Variants in UBE3A observed in about 807,000 individuals in gnomAD.
The protein encoded by UBE3A is ubiquitin-protein ligase E3A.
In UBE3A, 6 loss-of-function variants were observed where a neutral mutation model predicts 83.4. That is an observed-to-expected ratio of 0.07 (90% CI 0.04 to 0.14). The LOEUF is 0.14. Among genes scored for constraint, UBE3A ranks in the 10% least tolerant of loss-of-function variants. The pLI is 1.00. For missense variants in UBE3A, 456 were observed against 1,036.1 expected, an observed-to-expected ratio of 0.44 and a Z score of 7.69; for synonymous variants, 337 against 355.4, an observed-to-expected ratio of 0.95 and a Z score of 0.58.
At chr15:25,418,884 C>G (rs562184924) in intron 1 of UBE3A, 1 of 152,272 alleles carries the variant, frequency 6.6e-6, no homozygotes, top group East Asian at 1.9e-4. Flanking sequence ...CTACAGAGGA[C>G]TGGTTCCAGG....
At chr15:25,350,108 A>C (rs546931759) in intron 11 of UBE3A, among the ~76,000 whole-genome samples, 22 of 152,274 alleles carry the variant, frequency 1.4e-4, no homozygotes, top group African/African-American at 5.3e-4. Flanking sequence ...TCTACAAAAA[A>C]ATAACCAACT....
intron 4 of UBE3A, among the ~76,000 whole-genome samples, chr15:25,382,812 A>G (rs2082423885): frequency 6.6e-6 from 1 of 152,190 alleles, no homozygotes; most frequent in Admixed American, 6.5e-5. Flanking sequence ...TAAAAGACTA[A>G]TATGAACAAC....
intron 1 of UBE3A, among the ~76,000 whole-genome samples, chr15:25,427,620 A>AAC (rs1891727697): frequency 6.8e-6 from 1 of 147,914 alleles, no homozygotes; most frequent in African/African-American, 2.5e-5. Flanking sequence ...AAAAAAAAAA[A>AAC]AAAAAAAAAA....
chr15:25,341,604 A>C (rs910769960), intron 11 of UBE3A, among the ~76,000 whole-genome samples: 1 of 151,320 alleles, frequency 6.6e-6, no homozygotes, highest in Non-Finnish European at 1.5e-5. Context: ...TCTCTACTAA[A>C]ATACAAAAAT....
chr15:25,433,834 G>A (rs1202158522), intron 1 of UBE3A, among the ~76,000 whole-genome samples: 2 of 152,096 alleles, frequency 1.3e-5, no homozygotes, highest in Non-Finnish European at 2.9e-5. Flanking sequence ...CTAGCACCTT[G>A]GGAGGCCAAG....
At chr15:25,369,358 A>C (rs1209596196) in intron 6 of UBE3A, among the ~76,000 whole-genome samples, 27 of 150,344 alleles carry the variant, frequency 1.8e-4, no homozygotes, top group Non-Finnish European at 3.7e-4. Flanking sequence ...ATTAAAAAAA[A>C]AAAACAAACC....
intron 11 of UBE3A, among the ~76,000 whole-genome samples, chr15:25,348,749 C>T (rs757261937): frequency 4.6e-5 from 7 of 152,044 alleles, no homozygotes; most frequent in Non-Finnish European, 1.0e-4. Flanking sequence ...TTATTCCTAA[C>T]CAAAGAGTAC....
chr15:25,349,867 G>A (rs1201949564), intron 11 of UBE3A, among the ~76,000 whole-genome samples: 2 of 152,150 alleles, frequency 1.3e-5, no homozygotes, highest in Admixed American at 1.3e-4. Flanking sequence ...AAAGTGGTGG[G>A]TAGTCTAGAC....
intron 6 of UBE3A, among the ~76,000 whole-genome samples, chr15:25,364,670 G>C (rs1248929817): frequency 6.9e-6 from 1 of 145,076 alleles, no homozygotes; most frequent in Non-Finnish European, 1.5e-5. Flanking sequence ...TTGAGACGGA[G>C]TCTCGCTCTG....
chr15:25,339,091 TTTTTTTTTCCTTCC>T lies in UBE3A; in HGVS notation c.*32_*45del. 1 of 1,464,118 alleles carries T rather than the reference TTTTTTTTTCCTTCC, an allele frequency of 6.8e-7. No individual in the cohort carries two copies. The highest frequency in any genetic ancestry group is 9.0e-7 in the Non-Finnish European group (1 of 1,110,858). The allele number at this position is 1,464,118 out of a possible 1,614,324, so 90.7% of individuals were successfully genotyped here. A position where few individuals can be genotyped will look rare whatever the true frequency, so the allele number is the denominator to read the frequency against. ...TTTTTAAAATTTTTTAAATTTTTTC[TTTTTTTTTCCTTCC>T]TTTTTTTTGTTTTATTTTGTTTTGT... is the stretch of plus-strand genomic sequence containing the variant. On this transcript the variant is annotated 3_prime_UTR_variant, in exon 13 of 13. Coordinates refer to ENST00000648336, the MANE Select transcript of UBE3A (RefSeq NM_130839.5).
chr15:25,360,367 T>A lies in UBE3A; in HGVS notation c.1753+16A>T. ...AAGATGATACGACACCATAATCACA[T>A]TACTAATGTATTTACCAATATCTGG... On this transcript the variant is annotated intron_variant, in intron 7 of 12. Coordinates refer to ENST00000648336, the MANE Select transcript of UBE3A (RefSeq NM_130839.5). The A allele has an allele frequency of 6.2e-7, 1 of 1,613,436 alleles. No homozygotes were observed. The highest frequency in any genetic ancestry group is 8.5e-7 in the Non-Finnish European group (1 of 1,179,832).
rs750480224 is a variant in UBE3A at position 25,339,105 on chromosome 15, C to CTTTT, written c.*28_*31dup. 2.8e-6 allele frequency: 4 copies of CTTTT among 1,440,484 alleles called. No homozygotes were observed. Among genetic ancestry groups the CTTTT allele is most frequent in the Admixed American group, 2.8e-5 (1 of 36,008 alleles). The allele number at this position is 1,440,484 out of a possible 1,614,324, so 89.2% of individuals were successfully genotyped here. A position where few individuals can be genotyped will look rare whatever the true frequency, so the allele number is the denominator to read the frequency against. On this transcript the variant is annotated 3_prime_UTR_variant, in exon 13 of 13. Transcript: ENST00000648336. ...TAAATTTTTTCTTTTTTTTTCCTTC[C>CTTTT]TTTTTTTTGTTTTATTTTGTTTTGT... is the stretch of plus-strand genomic sequence containing the variant.
chr15:25,362,741 G>A (rs1007808668), intron 6 of UBE3A, among the ~76,000 whole-genome samples: 15 of 152,158 alleles, frequency 9.9e-5, no homozygotes, highest in African/African-American at 3.6e-4. Flanking sequence ...CTCAAATGTG[G>A]GACCAGGCCA....
intron 4 of UBE3A, among the ~76,000 whole-genome samples, chr15:25,382,567 T>G (rs1250497123): frequency 1.3e-5 from 2 of 149,884 alleles, no homozygotes; most frequent in Non-Finnish European, 3.0e-5. Flanking sequence ...AGACTCAAAC[T>G]TACCAAAAAA....
chr15:25,429,120 C>T (rs1273771775), intron 1 of UBE3A, among the ~76,000 whole-genome samples: 1 of 152,128 alleles, frequency 6.6e-6, no homozygotes, highest in East Asian at 1.9e-4. Flanking sequence ...CAGCGTTATA[C>T]ATGTCTGTAA....
At chr15:25,422,239 A>C (rs568090934) in intron 1 of UBE3A, among the ~76,000 whole-genome samples, 137 of 152,302 alleles carry the variant, frequency 9.0e-4, no homozygotes, top group Non-Finnish European at 1.1e-3. Flanking sequence ...GAAAACTAAT[A>C]AACAGATCAG....
chr15:25,437,857 G>GC (rs1895588415), intron 1 of UBE3A, among the ~76,000 whole-genome samples: 1 of 151,786 alleles, frequency 6.6e-6, no homozygotes, highest in African/African-American at 2.4e-5. Flanking sequence ...AAAAGGGGGG[G>GC]GAAAAAAGGC....
chr15:25,347,097 T>TTCAA (rs2075802441), intron 11 of UBE3A: 1 of 152,178 alleles, frequency 6.6e-6, no homozygotes, highest in Non-Finnish European at 1.5e-5. Flanking sequence ...CAGAACTGCC[T>TTCAA]TTGAAGACTG....
intron 3 of UBE3A, chr15:25,408,294 T>G (rs1431493918): frequency 5.2e-6 from 2 of 385,966 alleles, no homozygotes; most frequent in Admixed American, 3.9e-5. Flanking sequence ...CTAAAGAGTC[T>G]ACTTATTCTT....
Sources: gnomAD v4.1 joint callset for allele counts (sites outside exome capture counted in the v4.1 genomes callset) on GRCh38, gnomAD v4.1.1 for gene constraint, MANE v1.5 for transcripts, NCBI Gene and HGNC (gene_info 2026-07-23, HGNC 2026-07-21) for gene names.